HPF1: variants seen among roughly 807,000 people sequenced by gnomAD.
HPF1 encodes histone PARylation factor 1, also known as UPF0609 protein C4orf27.
In HPF1, 35 loss-of-function variants were observed where a neutral mutation model predicts 38.8. The ratio of observed to expected loss-of-function variants is 0.90; its 90% CI spans 0.69 to 1.19. HPF1 has a LOEUF of 1.19. Among genes scored for constraint, HPF1 ranks in the 50% most tolerant of loss-of-function variants. The probability of loss-of-function intolerance (pLI) is 0.00; values close to 1 mark genes in which losing one functional copy is unlikely to be tolerated. For missense variants in HPF1, 367 were observed against 405.8 expected, an observed-to-expected ratio of 0.90 and a Z score of 0.82; for synonymous variants, 115 against 139.2, an observed-to-expected ratio of 0.83 and a Z score of 1.22.
At chr4:169,731,125 G>A (rs1014190970) in intron 7 of HPF1, among the ~76,000 whole-genome samples, 2 of 152,202 alleles carry the variant, frequency 1.3e-5, no homozygotes, top group Non-Finnish European at 2.9e-5. Context: ...GGTCATATCC[G>A]CTACACCTTA....
chr4:169,748,301 G>A (rs1734074053), intron 4 of HPF1, among the ~76,000 whole-genome samples: 1 of 151,946 alleles, frequency 6.6e-6, no homozygotes, highest in Non-Finnish European at 1.5e-5. Flanking sequence ...TAACAGTATA[G>A]ATAAGACTAC....
chr4:169,746,705 G>A (rs1467802094), intron 4 of HPF1, among the ~76,000 whole-genome samples: 1 of 151,898 alleles, frequency 6.6e-6, no homozygotes, highest in African/African-American at 2.4e-5. Flanking sequence ...AAGTGTTCTG[G>A]TTAGCTGATT....
At chr4:169,735,459 G>A (rs1490104871) in intron 6 of HPF1, among the ~76,000 whole-genome samples, 1 of 152,188 alleles carries the variant, frequency 6.6e-6, no homozygotes, top group African/African-American at 2.4e-5. Context: ...ACTGGCAAGA[G>A]CAAGAAGATT....
At chr4:169,739,830 A>AT (rs1396869778) in intron 5 of HPF1, among the ~76,000 whole-genome samples, 2 of 152,254 alleles carry the variant, frequency 1.3e-5, no homozygotes, top group African/African-American at 4.8e-5. Context: ...TACCATATTC[A>AT]TAAGTGTAAA....
rs1351230889 is a variant in HPF1, at chr4:169,737,680, C to T, written c.716G>A (p.Arg239Gln). Residue 239 changes from arginine to glutamine, a missense_variant, in exon 6 of 8, where the codon CGA becomes CAA. Transcript: ENST00000393381. The part of the protein sequence containing the change: ...VPVDKNDVGY[R>Q]ELPETDADLK... The stretch of plus-strand genomic sequence containing the variant: ...ATTACCATCTGTTTCAGGGAGCTCT[C>T]GGTACCCAACATCATTTTTATCTAC... 11 of 1,607,980 alleles carry T rather than the reference C, an allele frequency of 6.8e-6. No individual in the cohort carries two copies. The highest frequency in any genetic ancestry group is 2.2e-5 in the South Asian group (2 of 90,962).
chr4:169,748,967 T>C (rs1163542279), intron 3 of HPF1, 125 bp from the exon 4 acceptor site: 3 of 547,494 alleles, frequency 5.5e-6, no homozygotes, highest in East Asian at 3.4e-5. Flanking sequence ...CCTTTTTTTT[T>C]TTTTAATCAT....
chr4:169,741,751 A>C (rs1204311348), intron 5 of HPF1, among the ~76,000 whole-genome samples: 1 of 152,192 alleles, frequency 6.6e-6, no homozygotes, highest in African/African-American at 2.4e-5. Context: ...TGCGCAATTC[A>C]ATCAGTGTAC....
chr4:169,744,571 T>C (rs1333553041), intron 4 of HPF1, among the ~76,000 whole-genome samples: 7 of 152,206 alleles, frequency 4.6e-5, no homozygotes, highest in African/African-American at 1.7e-4. Flanking sequence ...CAATGGCCCT[T>C]TGGAAATAGT....
intron 4 of HPF1, among the ~76,000 whole-genome samples, chr4:169,748,399 C>A (rs1237613837): frequency 6.6e-6 from 1 of 151,082 alleles, no homozygotes; most frequent in African/African-American, 2.4e-5. Flanking sequence ...GAGATAGAGT[C>A]TCACTCTGTC....
intron 6 of HPF1, among the ~76,000 whole-genome samples, chr4:169,736,359 C>CAAAA (rs750923800): frequency 1.8e-4 from 19 of 103,102 alleles, no homozygotes; most frequent in Non-Finnish European, 2.6e-4. Context: ...GACCCTGTCA[C>CAAAA]AAAAAAAAAA....
intron 1 of HPF1, among the ~76,000 whole-genome samples, chr4:169,754,267 A>C (rs1734155020): frequency 6.6e-6 from 1 of 152,166 alleles, no homozygotes; most frequent in Non-Finnish European, 1.5e-5. Flanking sequence ...TTCTTTAGCA[A>C]CTTCTAGAGT....
At chr4:169,738,416 T>C (rs143047750) in intron 5 of HPF1, among the ~76,000 whole-genome samples, 1 of 152,232 alleles carries the variant, frequency 6.6e-6, no homozygotes, top group African/African-American at 2.4e-5. Context: ...AGTGACATTA[T>C]TTTTAGGTCT....
At chr4:169,752,007 T>C (rs1173774493) in intron 2 of HPF1, among the ~76,000 whole-genome samples, 2 of 152,194 alleles carry the variant, frequency 1.3e-5, no homozygotes, top group Non-Finnish European at 2.9e-5. Context: ...TTTTCCATGC[T>C]ATTCAATGTT....
At chr4:169,736,979 T>C (rs1289176852) in intron 6 of HPF1, among the ~76,000 whole-genome samples, 1 of 152,218 alleles carries the variant, frequency 6.6e-6, no homozygotes, top group African/African-American at 2.4e-5. Context: ...CTAAATCATT[T>C]TATAGGCAGA....
At chr4:169,745,549 T>C (rs1734036503) in intron 4 of HPF1, among the ~76,000 whole-genome samples, 1 of 152,186 alleles carries the variant, frequency 6.6e-6, no homozygotes, top group Non-Finnish European at 1.5e-5. Flanking sequence ...AAGGGCTTTT[T>C]TTTCCCTTGA....
intron 6 of HPF1, 98 bp downstream of exon 6, chr4:169,737,562 C>A: frequency 1.3e-6 from 1 of 793,078 alleles, no homozygotes; most frequent in South Asian, 1.4e-5. Context: ...GCGACTGTGT[C>A]AGAAAAGGTA....
At chr4:169,757,095 A>T (rs969357017) in intron 1 of HPF1, among the ~76,000 whole-genome samples, 2 of 152,132 alleles carry the variant, frequency 1.3e-5, no homozygotes, top group Non-Finnish European at 2.9e-5. Flanking sequence ...CCTTATTGCT[A>T]CTGTAGTGGT....
Position 169,731,713 on chromosome 4 carries a change from A to G in HPF1, c.900T>C (p.Tyr300=). 1 of 1,545,466 alleles carries G rather than the reference A, an allele frequency of 6.5e-7. No homozygotes were observed. The highest frequency in any genetic ancestry group is 8.7e-7 in the Non-Finnish European group (1 of 1,152,766). ...GGGTTTTTTTACTCACATGTGAGCCATAGCAAAAGAGATCCATTCCCAATT... is the reference window on the plus strand; with the variant it reads ...GGGTTTTTTTACTCACATGTGAGCCGTAGCAAAAGAGATCCATTCCCAATT... ...GLELGMDLFC[Y]GSHYFHKVAG... Residue 300 remains tyrosine, a synonymous_variant, in exon 7 of 8, where the codon TAT becomes TAC. Coordinates refer to ENST00000393381, the MANE Select transcript of HPF1 (RefSeq NM_017867.3).
chr4:169,731,586 T>C, intron 7 of HPF1, 118 bp downstream of exon 7: 1 of 707,506 alleles, frequency 1.4e-6, no homozygotes, highest in Non-Finnish European at 2.2e-6. Flanking sequence ...TGAATCCCTG[T>C]CTTACCTCTG....
Sources: gnomAD v4.1 joint callset for allele counts (sites outside exome capture counted in the v4.1 genomes callset) on GRCh38, gnomAD v4.1.1 for gene constraint, MANE v1.5 for transcripts, NCBI Gene and HGNC (gene_info 2026-07-23, HGNC 2026-07-21) for gene names.